The following ZSWIM7 variants were observed in gnomAD, a reference collection of about 807,000 sequenced individuals.
The protein encoded by ZSWIM7 is zinc finger SWIM-type containing 7, also known as zinc finger SWIM domain-containing protein 7.
Under a neutral mutation model 21.1 loss-of-function variants are expected in ZSWIM7, and 22 were observed. The observed-to-expected ratio is 1.04, with a 90% confidence interval of 0.74 to 1.49. The LOEUF is 1.49. ZSWIM7 is among the 40% of genes most tolerant of loss of function. ZSWIM7 has a pLI of 0.00. For synonymous variants in ZSWIM7, 67 were observed against 66.5 expected (o/e 1.01, Z -0.04); for missense variants, 193 against 168.0 (o/e 1.15, Z -0.82).
intron 4 of ZSWIM7, among the ~76,000 whole-genome samples, chr17:15,980,609 G>A (rs1158778053): frequency 6.6e-6 from 1 of 152,196 alleles, no homozygotes; most frequent in Non-Finnish European, 1.5e-5. Flanking sequence ...AGGCTTAAAG[G>A]AATAGGTGAA....
chr17:15,977,801 G>A lies in ZSWIM7; in HGVS notation c.*246C>T, dbSNP rs1006120302. The A allele has an allele frequency of 1.8e-5, 6 of 332,754 alleles. No individual in the cohort carries two copies. Among genetic ancestry groups the A allele is most frequent in the Non-Finnish European group, 3.4e-5 (6 of 178,806 alleles). The allele number at this position is 332,754 out of a possible 1,614,324, so 20.6% of individuals were successfully genotyped here. On this transcript the variant is annotated 3_prime_UTR_variant, in exon 5 of 5. Coordinates refer to ENST00000399277, the MANE Select transcript of ZSWIM7 (RefSeq NM_001042697.2). ...ATTCCATCCAGGGACATTTTTTACC[G>A]AAGCGTCTCAGAGACTGGCTCAGGG...
Position 15,999,492 on chromosome 17 carries a change from CA to C in ZSWIM7, c.76+26del, listed in dbSNP as rs762183912. 5 of 1,594,674 alleles carry C rather than the reference CA, an allele frequency of 3.1e-6. No individual in the cohort carries two copies. The African/African-American group carries it at 5.3e-5, about 17-fold the overall frequency. The stretch of plus-strand genomic sequence containing the variant: ...GGATGCCCCGCCCGCGCCCATGGCG[CA>C]GCCACACACGACCTCGGTCCCGTAC... On this transcript the variant is annotated intron_variant, in intron 1 of 4. Transcript: ENST00000399277.
chr17:15,997,052 C>T (rs1970563629), intron 1 of ZSWIM7, among the ~76,000 whole-genome samples: 1 of 150,892 alleles, frequency 6.6e-6, no homozygotes, highest in South Asian at 2.1e-4. Flanking sequence ...CCCAGATACT[C>T]ACTTGGGAGG....
intron 3 of ZSWIM7, among the ~76,000 whole-genome samples, chr17:15,984,913 T>C (rs964560926): frequency 6.6e-6 from 1 of 152,228 alleles, no homozygotes; most frequent in Non-Finnish European, 1.5e-5. Context: ...GATCTAAAAC[T>C]TTGTTTTTGT....
intron 2 of ZSWIM7, among the ~76,000 whole-genome samples, chr17:15,988,253 C>G (rs1395534775): frequency 2.6e-5 from 4 of 152,106 alleles, no homozygotes; most frequent in Non-Finnish European, 4.4e-5. Flanking sequence ...TGGCAACTTG[C>G]ATTTTTTTAC....
chr17:15,981,457 TAAG>T (rs1446035645), intron 3 of ZSWIM7, among the ~76,000 whole-genome samples: 1 of 143,098 alleles, frequency 7.0e-6, no homozygotes, highest in Non-Finnish European at 1.5e-5. Flanking sequence ...CTGACTGTAA[TAAG>T]AAGGAAGTGG....
chr17:15,990,506 A>C (rs1389708217), intron 2 of ZSWIM7, among the ~76,000 whole-genome samples: 2 of 151,910 alleles, frequency 1.3e-5, no homozygotes, highest in Non-Finnish European at 2.9e-5. Flanking sequence ...CCACCTCCCA[A>C]GGTGCTGGGA....
intron 2 of ZSWIM7, among the ~76,000 whole-genome samples, chr17:15,990,036 C>T (rs1006210259): frequency 3.3e-5 from 5 of 151,906 alleles, no homozygotes; most frequent in African/African-American, 4.8e-5. Context: ...CTGGCTAACA[C>T]GGTGAAACCC....
chr17:15,995,198 G>A lies in ZSWIM7; in HGVS notation c.77-1420C>T, dbSNP rs147470275. Among the ~76,000 whole-genome samples the A allele has an allele frequency of 8.4e-4, 127 of 152,034 alleles. 3 individuals carry two copies. The highest frequency in any genetic ancestry group is 3.0e-3 in the African/African-American group (123 of 41,498). On this transcript the variant is annotated intron_variant, in intron 1 of 4. Transcript: ENST00000399277. ...CTCTGTAGTTTCAGTTACTTGGGAAGCTGAGGCAGGAAGATTGCTTGAAAC... is the reference window on the plus strand; with the variant it reads ...CTCTGTAGTTTCAGTTACTTGGGAAACTGAGGCAGGAAGATTGCTTGAAAC...
chr17:15,999,115 G>A (rs906110541), intron 1 of ZSWIM7, among the ~76,000 whole-genome samples: 1 of 152,142 alleles, frequency 6.6e-6, no homozygotes, highest in South Asian at 2.1e-4. Context: ...TTGAGAAAAA[G>A]AAGTTTAATA....
intron 1 of ZSWIM7, 132 bp downstream of exon 1, chr17:15,999,387 G>A: frequency 8.8e-7 from 1 of 1,134,368 alleles, no homozygotes; most frequent in South Asian, 1.3e-5. Context: ...TTACGAACAA[G>A]AGGTTTAGAG....
intron 4 of ZSWIM7, among the ~76,000 whole-genome samples, chr17:15,980,733 A>G (rs1970345660): frequency 6.6e-6 from 1 of 152,204 alleles, no homozygotes; most frequent in Non-Finnish European, 1.5e-5. Context: ...CATCGAATTT[A>G]GTTCATATTT....
At chr17:15,985,915 C>A (rs999448668) in intron 3 of ZSWIM7, among the ~76,000 whole-genome samples, 5 of 152,224 alleles carry the variant, frequency 3.3e-5, no homozygotes, top group African/African-American at 1.2e-4. Flanking sequence ...AGGACAGACA[C>A]ACCTCCTCAG....
chr17:15,980,991 A>G (rs1256868247), intron 4 of ZSWIM7, 49 bp downstream of exon 4: 1 of 1,414,054 alleles, frequency 7.1e-7, no homozygotes, highest in Admixed American at 1.9e-5. Flanking sequence ...AGTAAGGGCA[A>G]TTTCTCTCTA....
intron 1 of ZSWIM7, among the ~76,000 whole-genome samples, chr17:15,998,341 C>T (rs1306939247): frequency 2.0e-5 from 3 of 152,126 alleles, no homozygotes; most frequent in Admixed American, 2.0e-4. Context: ...ACTTAAGTCT[C>T]CTTAATTTTG....
At chr17:15,984,720 C>A (rs538603244) in intron 3 of ZSWIM7, among the ~76,000 whole-genome samples, 79 of 152,292 alleles carry the variant, frequency 5.2e-4, no homozygotes, top group African/African-American at 1.8e-3. Flanking sequence ...GCCATGTGAC[C>A]TGCTTTAGTA....
At chr17:15,993,522 A>G (rs1970510730) in intron 2 of ZSWIM7, among the ~76,000 whole-genome samples, 1 of 151,836 alleles carries the variant, frequency 6.6e-6, no homozygotes, top group Non-Finnish European at 1.5e-5. Context: ...GCCCACCACC[A>G]CGTCCAGCTA....
chr17:15,997,878 G>A (rs1231679997), intron 1 of ZSWIM7, among the ~76,000 whole-genome samples: 2 of 152,106 alleles, frequency 1.3e-5, no homozygotes, highest in East Asian at 1.9e-4. Context: ...TGAGGTGTCC[G>A]TATCACAAGG....
In ZSWIM7 at chr17:15,993,348, TTTTA is replaced by T. The variant is rs149424883; in HGVS notation, c.98+405_98+408del. ...GTAGTAAGAATATTTTTATTTTTTA[TTTTA>T]TTTATTTATTTATTTATTTATTTAT... On this transcript the variant is annotated intron_variant, in intron 2 of 4. Transcript: ENST00000399277. Among the ~76,000 whole-genome samples the T allele has an allele frequency of 8.3e-3, 1,182 of 142,412 alleles. 21 individuals carry two copies. The highest frequency in any genetic ancestry group is 0.029 in the African/African-American group (1,040 of 36,218). 93.4% of individuals were successfully genotyped at this position (142,412 alleles called of 152,430 possible). A position where few individuals can be genotyped will look rare whatever the true frequency, so the allele number is the denominator to read the frequency against.
Sources: gnomAD v4.1 joint callset for allele counts (sites outside exome capture counted in the v4.1 genomes callset) on GRCh38, gnomAD v4.1.1 for gene constraint, MANE v1.5 for transcripts, NCBI Gene and HGNC (gene_info 2026-07-23, HGNC 2026-07-21) for gene names.